SEMA3A: variants seen among roughly 807,000 people sequenced by gnomAD.
SEMA3A encodes semaphorin 3A.
A neutral mutation model predicts 97.9 loss-of-function variants in SEMA3A; 29 were observed. The ratio of observed to expected loss-of-function variants is 0.30; its 90% confidence interval spans 0.22 to 0.40. The LOEUF is 0.40. SEMA3A is among the 10% of genes least tolerant of loss of function. The pLI is 1.00. For missense variants in SEMA3A, 763 were observed against 951.3 expected (o/e 0.80, Z 2.60); for synonymous variants, 321 against 323.7 (o/e 0.99, Z 0.09).
chr7:84,031,458 T>C (rs187442673), intron 6 of SEMA3A, among the ~76,000 whole-genome samples: 35 of 152,290 alleles, frequency 2.3e-4, no homozygotes, highest in South Asian at 1.9e-3. Context: ...ACAATAAACA[T>C]GGTCAAAAAC....
chr7:84,466,829 T>C (rs1806011429), intron 1 of SEMA3A, among the ~76,000 whole-genome samples: 1 of 152,186 alleles, frequency 6.6e-6, no homozygotes, highest in African/African-American at 2.4e-5. Context: ...CTTTGTGAGC[T>C]TGAGTTGATA....
chr7:84,325,965 C>T (rs1286068692), intron 2 of SEMA3A, among the ~76,000 whole-genome samples: 2 of 152,024 alleles, frequency 1.3e-5, no homozygotes, highest in East Asian at 3.9e-4. Context: ...TGTAAGTTTA[C>T]CTTTTCAGAT....
chr7:84,453,978 T>C (rs557802373), intron 1 of SEMA3A, among the ~76,000 whole-genome samples: 4 of 152,192 alleles, frequency 2.6e-5, no homozygotes, highest in Non-Finnish European at 5.9e-5. Context: ...ATGAAGTAGG[T>C]GGACTTATAA....
intron 7 of SEMA3A, among the ~76,000 whole-genome samples, chr7:84,013,824 G>T (rs1219369808): frequency 6.6e-6 from 1 of 152,110 alleles, no homozygotes; most frequent in African/African-American, 2.4e-5. Flanking sequence ...TCCAGCCTAG[G>T]GGGCAGAGCA....
chr7:84,187,759 C>T (rs1797928608), intron 1 of SEMA3A, among the ~76,000 whole-genome samples: 3 of 151,914 alleles, frequency 2.0e-5, no homozygotes, highest in African/African-American at 7.3e-5. Flanking sequence ...TATTAACAGG[C>T]ATATTATTTG....
chr7:84,277,472 G>A (rs537358), intron 3 of SEMA3A, among the ~76,000 whole-genome samples: 4 of 151,896 alleles, frequency 2.6e-5, no homozygotes, highest in African/African-American at 7.3e-5. Flanking sequence ...TACTTTCGAC[G>A]GAAAGAAATC....
chr7:84,244,141 A>G (rs1019067351), intron 3 of SEMA3A, among the ~76,000 whole-genome samples: 1 of 152,086 alleles, frequency 6.6e-6, no homozygotes, highest in Non-Finnish European at 1.5e-5. Flanking sequence ...TCAAGTCCTG[A>G]ATATCCTTGT....
At chr7:84,437,894 A>G (rs1352934985) in intron 1 of SEMA3A, among the ~76,000 whole-genome samples, 1 of 151,976 alleles carries the variant, frequency 6.6e-6, no homozygotes, top group African/African-American at 2.4e-5. Context: ...CCTCAAGCCG[A>G]TATGGCACTA....
intron 3 of SEMA3A, among the ~76,000 whole-genome samples, chr7:84,261,264 C>T (rs757174066): frequency 1.3e-5 from 2 of 152,168 alleles, no homozygotes; most frequent in Non-Finnish European, 2.9e-5. Context: ...CTCCTCTCTA[C>T]CTGGCTCACC....
upstream of SEMA3A, chr7:84,195,501 G>T (rs1798202885): frequency 6.6e-6 from 1 of 151,576 alleles, no homozygotes; most frequent in Non-Finnish European, 1.5e-5. Flanking sequence ...TTAAAGCCTT[G>T]TTAGAGATCA....
chr7:84,079,424 A>C (rs1421857060), intron 4 of SEMA3A, among the ~76,000 whole-genome samples: 1 of 150,664 alleles, frequency 6.6e-6, no homozygotes, highest in African/African-American at 2.4e-5. Context: ...CAACCTACAA[A>C]ATGGGAGAAA....
intron 5 of SEMA3A, among the ~76,000 whole-genome samples, chr7:84,059,829 C>G (rs1793143870): frequency 6.6e-6 from 1 of 151,906 alleles, no homozygotes; most frequent in South Asian, 2.1e-4. Flanking sequence ...AAAATTGCTT[C>G]ATGATTTGCC....
At chr7:84,386,466 T>C (rs1213283090) in intron 1 of SEMA3A, among the ~76,000 whole-genome samples, 1 of 152,132 alleles carries the variant, frequency 6.6e-6, no homozygotes, top group African/African-American at 2.4e-5. Context: ...CACATGATGC[T>C]TCCTCCCACA....
chr7:84,460,705 A>C (rs901668024), intron 1 of SEMA3A, among the ~76,000 whole-genome samples: 5 of 152,156 alleles, frequency 3.3e-5, no homozygotes, highest in Non-Finnish European at 5.9e-5. Flanking sequence ...TTTAACCAAA[A>C]CTTTATTATA....
chr7:84,241,527 C>T (rs1054540720), intron 3 of SEMA3A, among the ~76,000 whole-genome samples: 3 of 151,764 alleles, frequency 2.0e-5, no homozygotes, highest in East Asian at 1.9e-4. Context: ...ATGGATAGAT[C>T]GCAAAAATTT....
intron 6 of SEMA3A, among the ~76,000 whole-genome samples, chr7:84,028,700 G>T (rs1416098270): frequency 6.6e-6 from 1 of 152,160 alleles, no homozygotes; most frequent in East Asian, 1.9e-4. Flanking sequence ...TGCCACCTGG[G>T]TTCACGTGAT....
intron 1 of SEMA3A, among the ~76,000 whole-genome samples, chr7:84,437,427 A>G (rs1805163365): frequency 6.6e-6 from 1 of 152,072 alleles, no homozygotes; most frequent in Non-Finnish European, 1.5e-5. Flanking sequence ...TATTGTTATT[A>G]AGATAGTCTT....
At chr7:84,410,332 T>C (rs965068501) in intron 1 of SEMA3A, among the ~76,000 whole-genome samples, 1 of 152,152 alleles carries the variant, frequency 6.6e-6, no homozygotes, top group East Asian at 1.9e-4. Context: ...GGGGTCATTT[T>C]CTTCTATAAT....
At chr7:84,004,293 A>G (rs1445409677) in intron 11 of SEMA3A, among the ~76,000 whole-genome samples, 2 of 152,124 alleles carry the variant, frequency 1.3e-5, no homozygotes, top group Non-Finnish European at 2.9e-5. Flanking sequence ...TATCATAATA[A>G]CAATGGAATT....
Sources: gnomAD v4.1 joint callset for allele counts (sites outside exome capture counted in the v4.1 genomes callset) on GRCh38, gnomAD v4.1.1 for gene constraint, MANE v1.5 for transcripts, NCBI Gene and HGNC (gene_info 2026-07-23, HGNC 2026-07-21) for gene names.